Variants in AGBL4 observed in about 807,000 individuals in gnomAD.
The protein encoded by AGBL4 is cytosolic carboxypeptidase 6.
A neutral mutation model predicts 66.4 loss-of-function variants in AGBL4; 58 were observed. That is an observed-to-expected ratio of 0.87 (90% CI 0.71 to 1.09). The LOEUF (loss-of-function observed/expected upper bound fraction) is 1.09. Among genes scored for constraint, AGBL4 ranks in the 50% least tolerant of loss-of-function variants. The pLI, the probability that AGBL4 is intolerant of heterozygous loss-of-function variation, is 0.00. For synonymous variants in AGBL4, 234 were observed against 222.9 expected (o/e 1.05, Z -0.44); for missense variants, 579 against 631.0 (o/e 0.92, Z 0.88).
At chr1:49,131,579 G>A (rs781572900) in intron 4 of AGBL4, among the ~76,000 whole-genome samples, 4 of 152,062 alleles carry the variant, frequency 2.6e-5, no homozygotes, top group Non-Finnish European at 5.9e-5. Context: ...GGGGAGCTCA[G>A]ATCTGAAGAC....
chr1:49,202,626 A>C (rs1647799377), intron 4 of AGBL4, among the ~76,000 whole-genome samples: 1 of 152,142 alleles, frequency 6.6e-6, no homozygotes, highest in African/African-American at 2.4e-5. Context: ...AATGGGATAA[A>C]GACCTAAATA....
intron 5 of AGBL4, among the ~76,000 whole-genome samples, chr1:48,988,020 G>A (rs907742784): frequency 6.6e-6 from 1 of 151,966 alleles, no homozygotes; most frequent in African/African-American, 2.4e-5. Flanking sequence ...TGTGTAAAAA[G>A]ACTGCTTATT....
At chr1:48,757,428 T>C (rs1226277862) in intron 6 of AGBL4, among the ~76,000 whole-genome samples, 1 of 152,246 alleles carries the variant, frequency 6.6e-6, no homozygotes, top group African/African-American at 2.4e-5. Context: ...TTCGTGTCAC[T>C]GTGAACCTCT....
At chr1:49,326,615 G>C (rs7522609) in intron 3 of AGBL4, among the ~76,000 whole-genome samples, 78,844 of 151,948 alleles carry the variant, frequency 0.52, 21,719 homozygotes, top group Non-Finnish European at 0.62. Flanking sequence ...GAAAGAATGA[G>C]AGAAGGAAGA....
At chr1:48,938,318 A>G (rs1202437795) in intron 5 of AGBL4, among the ~76,000 whole-genome samples, 3 of 152,182 alleles carry the variant, frequency 2.0e-5, no homozygotes, top group Non-Finnish European at 2.9e-5. Flanking sequence ...GGTAAAAACA[A>G]ACAAATATGA....
chr1:49,666,008 A>T (rs527466681), intron 3 of AGBL4, among the ~76,000 whole-genome samples: 119 of 151,576 alleles, frequency 7.9e-4, no homozygotes, highest in African/African-American at 1.5e-3. Context: ...TAAAATTTTT[A>T]AAAAATTTTT....
chr1:49,846,687 C>T (rs1336694806), intron 2 of AGBL4, among the ~76,000 whole-genome samples: 1 of 151,644 alleles, frequency 6.6e-6, no homozygotes, highest in Non-Finnish European at 1.5e-5. Context: ...ACAACAACTA[C>T]AAAAAAATAA....
intron 3 of AGBL4, among the ~76,000 whole-genome samples, chr1:49,418,148 T>C (rs1403596719): frequency 2.0e-5 from 3 of 152,204 alleles, no homozygotes; most frequent in Non-Finnish European, 4.4e-5. Context: ...GTTTTATGTC[T>C]ATAATTCTGC....
chr1:49,870,984 T>C (rs578064614), intron 1 of AGBL4, among the ~76,000 whole-genome samples: 3 of 152,154 alleles, frequency 2.0e-5, no homozygotes, highest in African/African-American at 7.2e-5. Flanking sequence ...ATAAACAGCA[T>C]TTGTGAGACG....
At chr1:49,072,804 G>C (rs1164088361) in intron 4 of AGBL4, among the ~76,000 whole-genome samples, 1 of 152,088 alleles carries the variant, frequency 6.6e-6, no homozygotes, top group Non-Finnish European at 1.5e-5. Flanking sequence ...GCTAGGTTGG[G>C]GAAGTTCTCC....
chr1:49,541,535 G>A (rs1406447303), intron 3 of AGBL4, among the ~76,000 whole-genome samples: 1 of 152,234 alleles, frequency 6.6e-6, no homozygotes, highest in Non-Finnish European at 1.5e-5. Context: ...CCGGTGCTGT[G>A]CTCGAATTCT....
intron 3 of AGBL4, among the ~76,000 whole-genome samples, chr1:49,568,534 T>C (rs1177213427): frequency 1.0e-5 from 1 of 95,490 alleles, no homozygotes; most frequent in Non-Finnish European, 2.6e-5. Flanking sequence ...AATGCCATGC[T>C]CATGGAAAGG....
intron 3 of AGBL4, among the ~76,000 whole-genome samples, chr1:49,464,382 T>G (rs1646581232): frequency 6.6e-6 from 1 of 151,780 alleles, no homozygotes; most frequent in Admixed American, 6.6e-5. Context: ...TCTTTATCTG[T>G]GAAGAAGTTA....
intron 6 of AGBL4, among the ~76,000 whole-genome samples, chr1:48,755,149 T>C (rs1652349849): frequency 6.6e-6 from 1 of 152,128 alleles, no homozygotes; most frequent in Non-Finnish European, 1.5e-5. Context: ...CACCCTTGGG[T>C]GTGGCTCCAC....
At chr1:49,091,467 A>G (rs1345668574) in intron 4 of AGBL4, among the ~76,000 whole-genome samples, 2 of 152,126 alleles carry the variant, frequency 1.3e-5, no homozygotes, top group African/African-American at 4.8e-5. Context: ...CATTAGAGAA[A>G]GGCAAATAAA....
chr1:49,807,775 T>C (rs1439751545), intron 2 of AGBL4, among the ~76,000 whole-genome samples: 1 of 152,192 alleles, frequency 6.6e-6, no homozygotes, highest in Non-Finnish European at 1.5e-5. Flanking sequence ...AATCACTAAT[T>C]TGATGCTGTT....
chr1:49,180,974 A>G (rs1186077373), intron 4 of AGBL4, among the ~76,000 whole-genome samples: 1 of 151,808 alleles, frequency 6.6e-6, no homozygotes, highest in Non-Finnish European at 1.5e-5. Context: ...TGTTTTAAAT[A>G]TGGCTTGGAA....
chr1:48,788,568 A>G (rs1262466438), intron 6 of AGBL4, among the ~76,000 whole-genome samples: 1 of 152,228 alleles, frequency 6.6e-6, no homozygotes, highest in Non-Finnish European at 1.5e-5. Context: ...ATGGCTTCAG[A>G]ATTGTGAAAC....
At chr1:48,562,787 T>A (rs1012364380) in intron 11 of AGBL4, among the ~76,000 whole-genome samples, 5 of 152,204 alleles carry the variant, frequency 3.3e-5, no homozygotes, top group African/African-American at 1.2e-4. Flanking sequence ...TGGATTCGAA[T>A]CCAAGTCTGA....
Sources: allele counts gnomAD v4.1 joint callset (sites outside exome capture counted in the v4.1 genomes callset), GRCh38; gene constraint gnomAD v4.1.1; transcripts MANE v1.5; gene names NCBI Gene and HGNC (gene_info 2026-07-23, HGNC 2026-07-21).